The following STK24 variants were observed in gnomAD, a reference collection of about 807,000 sequenced individuals.
STK24 encodes the protein serine/threonine kinase 24.
In STK24, 21 loss-of-function variants were observed where a neutral mutation model predicts 55.6. The observed-to-expected ratio is 0.38, with a 90% CI of 0.27 to 0.54. The LOEUF (loss-of-function observed/expected upper bound fraction) is 0.54. Ranked by LOEUF, STK24 falls within the 20% of genes least tolerant of loss-of-function variation. The pLI is 0.79. For synonymous variants in STK24, 200 were observed against 215.2 expected, an observed-to-expected ratio of 0.93 and a Z score of 0.62; for missense variants, 383 against 538.4, an observed-to-expected ratio of 0.71 and a Z score of 2.86.
chr13:98,488,993 A>G (rs1894914711), intron 2 of STK24, among the ~76,000 whole-genome samples: 1 of 152,228 alleles, frequency 6.6e-6, no homozygotes, highest in Non-Finnish European at 1.5e-5. Context: ...TTAAAATCAC[A>G]CGGGGTCACA....
chr13:98,531,364 T>G (rs1465112311), intron 1 of STK24, among the ~76,000 whole-genome samples: 1 of 152,168 alleles, frequency 6.6e-6, no homozygotes, highest in Non-Finnish European at 1.5e-5. Flanking sequence ...AAAAACCAAG[T>G]GCTCTTTTGT....
intron 1 of STK24, among the ~76,000 whole-genome samples, chr13:98,551,114 G>A (rs1231952079): frequency 3.9e-5 from 6 of 151,944 alleles, no homozygotes; most frequent in East Asian, 1.9e-4. Flanking sequence ...GTGAAACCCC[G>A]TCTTTACTAA....
chr13:98,470,478 C>T (rs1894101100), intron 5 of STK24, among the ~76,000 whole-genome samples: 1 of 152,210 alleles, frequency 6.6e-6, no homozygotes, highest in Admixed American at 6.5e-5. Context: ...AGGCAGTCAT[C>T]TTCCAAAGCA....
At chr13:98,522,047 C>T (rs1462071217) in intron 1 of STK24, 11 of 1,405,142 alleles carry the variant, frequency 7.8e-6, no homozygotes, top group Non-Finnish European at 9.3e-6. Flanking sequence ...TCAAAGTCAT[C>T]TGGACCTGCC....
chr13:98,467,500 A>G (rs961552206), intron 5 of STK24, among the ~76,000 whole-genome samples: 3 of 152,102 alleles, frequency 2.0e-5, no homozygotes, highest in Non-Finnish European at 2.9e-5. Flanking sequence ...GGCTCTTTCA[A>G]CCTACAACAG....
At chr13:98,520,433 T>C (rs925500492) in intron 1 of STK24, among the ~76,000 whole-genome samples, 22 of 152,108 alleles carry the variant, frequency 1.4e-4, no homozygotes, top group East Asian at 1.9e-4. Flanking sequence ...AAATGGTCCA[T>C]AGAAGGAACA....
In STK24 at chr13:98,446,722, T is replaced by C. The variant is rs150492286; in HGVS notation, c.*6451A>G. ...TCGGCTACTCGCTCACCATCCCCTCTGAGTCCGAGAACATCCAGAAAGACT... is the reference window on the plus strand; with the variant it reads ...TCGGCTACTCGCTCACCATCCCCTCCGAGTCCGAGAACATCCAGAAAGACT... On this transcript the variant is annotated 3_prime_UTR_variant, in exon 11 of 11. Coordinates refer to ENST00000539966, the MANE Select transcript of STK24 (RefSeq NM_001032296.4). 2 of 1,614,160 alleles carry C rather than the reference T, an allele frequency of 1.2e-6. No homozygotes were observed. The highest frequency in any genetic ancestry group is 1.3e-5 in the African/African-American group (1 of 75,038).
At chr13:98,558,368 G>A (rs1015383893) in intron 1 of STK24, among the ~76,000 whole-genome samples, 3 of 152,140 alleles carry the variant, frequency 2.0e-5, no homozygotes, top group Non-Finnish European at 2.9e-5. Flanking sequence ...CTGTTTTCAT[G>A]GGAACTACTG....
intron 2 of STK24, among the ~76,000 whole-genome samples, chr13:98,497,230 C>A (rs1895282932): frequency 6.6e-6 from 1 of 152,138 alleles, no homozygotes; most frequent in South Asian, 2.1e-4. Context: ...GCTCCCTGAC[C>A]CCTCCACTGA....
chr13:98,510,237 G>A (rs1895836776), intron 2 of STK24, among the ~76,000 whole-genome samples: 1 of 152,152 alleles, frequency 6.6e-6, no homozygotes, highest in Non-Finnish European at 1.5e-5. Flanking sequence ...TTCCCGAGTC[G>A]GGGCTCAGAC....
chr13:98,503,127 CA>C (rs2139349389), intron 2 of STK24, among the ~76,000 whole-genome samples: 1 of 140,044 alleles, frequency 7.1e-6, no homozygotes, highest in East Asian at 2.2e-4. Context: ...ATACAGTTTT[CA>C]ACAGGAGATC....
At chr13:98,554,018 C>G (rs1296024577) in intron 1 of STK24, among the ~76,000 whole-genome samples, 5 of 150,310 alleles carry the variant, frequency 3.3e-5, no homozygotes, top group East Asian at 2.0e-4. Flanking sequence ...GCCGAGATCA[C>G]GCCACTGCAC....
intron 1 of STK24, among the ~76,000 whole-genome samples, chr13:98,558,465 G>A (rs1322448504): frequency 6.6e-6 from 1 of 152,126 alleles, no homozygotes; most frequent in Non-Finnish European, 1.5e-5. Context: ...GGAGAAGGGG[G>A]TACTGCAGGG....
At chr13:98,544,179 G>C (rs904097347) in intron 1 of STK24, among the ~76,000 whole-genome samples, 71 of 152,314 alleles carry the variant, frequency 4.7e-4, no homozygotes, top group African/African-American at 1.6e-3. Flanking sequence ...AGATGACAAA[G>C]ACTACCTGCC....
chr13:98,532,215 C>A (rs1263198916), intron 1 of STK24, among the ~76,000 whole-genome samples: 2 of 152,114 alleles, frequency 1.3e-5, no homozygotes, highest in African/African-American at 4.8e-5. Context: ...GTCACACTCA[C>A]CTTTCTACAC....
chr13:98,561,525 T>C (rs1461518699), intron 1 of STK24, among the ~76,000 whole-genome samples: 1 of 150,064 alleles, frequency 6.7e-6, no homozygotes, highest in African/African-American at 2.4e-5. Context: ...GAGGTTGCAA[T>C]GAGCGAAGAT....
chr13:98,448,489 G>C lies in STK24; in HGVS notation c.*4684C>G, dbSNP rs763962095. 5.0e-5 allele frequency: 30 copies of C among 604,872 alleles called. No homozygotes were observed. The highest frequency in any genetic ancestry group is 7.7e-5 in the Non-Finnish European group (26 of 337,434). 37.5% of individuals were successfully genotyped at this position (604,872 alleles called of 1,614,324 possible). ...TTTTAACCCCGACCTCTCAGCGTCT[G>C]AATGAACAGCGCTCCCACCTCCAGT... On this transcript the variant is annotated 3_prime_UTR_variant, in exon 11 of 11. Transcript: ENST00000539966.
At position 98,566,310 on chromosome 13, in the gene STK24, CATGGAGGCTGGAGGGACA is replaced by C. The variant is rs1457094406; in HGVS notation, c.42+10417_42+10434del. ...TTCACAGCCCTGAACTCAGCTGTTT[CATGGAGGCTGGAGGGACA>C]ATGTGACGGTCAGGAGGGCAGAGCT... is the stretch of plus-strand genomic sequence containing the variant. On this transcript the variant is annotated intron_variant, in intron 1 of 10. Transcript: ENST00000539966. Among the ~76,000 whole-genome samples, 7 of 152,246 alleles carry C rather than the reference CATGGAGGCTGGAGGGACA, an allele frequency of 4.6e-5. No individual in the cohort carries two copies. The East Asian group carries it at 1.3e-3, about 29-fold the overall frequency.
chr13:98,556,241 G>A (rs1897286880), intron 1 of STK24, among the ~76,000 whole-genome samples: 1 of 152,348 alleles, frequency 6.6e-6, no homozygotes, highest in East Asian at 1.9e-4. Flanking sequence ...CCAGGGTTAA[G>A]GACTATGCTA....
Sources: allele counts gnomAD v4.1 joint callset (sites outside exome capture counted in the v4.1 genomes callset), GRCh38; gene constraint gnomAD v4.1.1; transcripts MANE v1.5; gene names NCBI Gene and HGNC (gene_info 2026-07-23, HGNC 2026-07-21).